Variants in ARHGAP32 observed in about 807,000 individuals in gnomAD.
ARHGAP32 encodes the protein rho GTPase-activating protein 32.
Under a neutral mutation model 186.5 loss-of-function variants are expected in ARHGAP32, and 51 were observed. The observed-to-expected ratio is 0.27, with a 90% CI of 0.22 to 0.35. The LOEUF is 0.35. Among genes scored for constraint, ARHGAP32 ranks in the 10% least tolerant of loss-of-function variants. ARHGAP32 has a pLI of 1.00. For missense variants in ARHGAP32, 2,186 were observed against 2,623.5 expected, an observed-to-expected ratio of 0.83 and a Z score of 3.64; for synonymous variants, 950 against 964.3, an observed-to-expected ratio of 0.99 and a Z score of 0.27.
chr11:129,271,902 G>T (rs1232762915), intron 1 of ARHGAP32, among the ~76,000 whole-genome samples: 1 of 151,796 alleles, frequency 6.6e-6, no homozygotes, highest in Non-Finnish European at 1.5e-5. Flanking sequence ...ATTAAAAAAA[G>T]AAATCAAGGA....
At chr11:128,971,801 T>A (rs1565347105) in intron 22 of ARHGAP32, 1 of 152,350 alleles carries the variant, frequency 6.6e-6, no homozygotes, top group African/African-American at 2.4e-5. Flanking sequence ...GGTGACCATA[T>A]AGAAGAAAAA....
At chr11:129,262,114 C>A (rs9971592) in intron 1 of ARHGAP32, among the ~76,000 whole-genome samples, 3 of 151,960 alleles carry the variant, frequency 2.0e-5, no homozygotes, top group African/African-American at 7.3e-5. Context: ...AAGAATAAAC[C>A]TGGCATGCCA....
chr11:129,264,781 T>C (rs1020931382), intron 1 of ARHGAP32, among the ~76,000 whole-genome samples: 3 of 152,058 alleles, frequency 2.0e-5, no homozygotes, highest in East Asian at 1.9e-4. Flanking sequence ...TGAAAAGAAA[T>C]TGGGAAAACT....
intron 1 of ARHGAP32, among the ~76,000 whole-genome samples, chr11:129,210,396 G>A (rs1418925712): frequency 6.6e-6 from 1 of 152,166 alleles, no homozygotes; most frequent in East Asian, 1.9e-4. Context: ...AGAACCTAGT[G>A]ATGTGATAAA....
At chr11:129,270,070 T>A (rs978708315) in intron 1 of ARHGAP32, among the ~76,000 whole-genome samples, 2 of 151,480 alleles carry the variant, frequency 1.3e-5, no homozygotes, top group African/African-American at 4.8e-5. Flanking sequence ...ACCCAGATGC[T>A]TGTAGCAACT....
chr11:129,004,748 C>T (rs955800825), intron 11 of ARHGAP32, among the ~76,000 whole-genome samples: 1 of 152,026 alleles, frequency 6.6e-6, no homozygotes, highest in Non-Finnish European at 1.5e-5. Context: ...TCTTTTCAGT[C>T]TCTGTGTATC....
intron 1 of ARHGAP32, among the ~76,000 whole-genome samples, chr11:129,229,040 T>A (rs1231275394): frequency 6.6e-6 from 1 of 152,204 alleles, no homozygotes; most frequent in Non-Finnish European, 1.5e-5. Context: ...GGAAAAAAGT[T>A]AAAATTTAAG....
intron 1 of ARHGAP32, among the ~76,000 whole-genome samples, chr11:129,257,589 C>T (rs1441189688): frequency 6.6e-6 from 1 of 151,232 alleles, no homozygotes; most frequent in African/African-American, 2.4e-5. Flanking sequence ...GACTGGGCAA[C>T]ATAACAAAAC....
chr11:129,124,449 CAA>C (rs1382393708), intron 3 of ARHGAP32, among the ~76,000 whole-genome samples: 2 of 152,026 alleles, frequency 1.3e-5, no homozygotes, highest in African/African-American at 2.4e-5. Context: ...TCCTCAAAGG[CAA>C]ACCTGAAATC....
chr11:129,201,128 A>G (rs1246126610), intron 1 of ARHGAP32, among the ~76,000 whole-genome samples: 4 of 152,206 alleles, frequency 2.6e-5, no homozygotes, highest in African/African-American at 9.6e-5. Flanking sequence ...ATCATAAGAC[A>G]ATTCAACATG....
chr11:129,038,479 G>T (rs957276333), intron 11 of ARHGAP32, among the ~76,000 whole-genome samples: 1 of 151,974 alleles, frequency 6.6e-6, no homozygotes, highest in African/African-American at 2.4e-5. Context: ...AAACTTGTAT[G>T]CATCAATGGA....
At chr11:129,240,769 A>T (rs1945005210) in intron 1 of ARHGAP32, among the ~76,000 whole-genome samples, 1 of 152,178 alleles carries the variant, frequency 6.6e-6, no homozygotes, top group South Asian at 2.1e-4. Flanking sequence ...TTTTGTCATT[A>T]TATCATAAGA....
At chr11:128,977,494 T>A (rs1945578161) in intron 19 of ARHGAP32, among the ~76,000 whole-genome samples, 1 of 152,142 alleles carries the variant, frequency 6.6e-6, no homozygotes, top group South Asian at 2.1e-4. Context: ...TCTCCAGCAT[T>A]CAGCCCTCAG....
intron 1 of ARHGAP32, among the ~76,000 whole-genome samples, chr11:129,181,963 G>A (rs1029936914): frequency 6.6e-6 from 1 of 152,004 alleles, no homozygotes; most frequent in Non-Finnish European, 1.5e-5. Flanking sequence ...TTATTCATAT[G>A]TATGAAAAAA....
Position 129,198,464 on chromosome 11 carries a change from T to C in ARHGAP32, c.-4-34037A>G, listed in dbSNP as rs117123145. Among the ~76,000 whole-genome samples the C allele has an allele frequency of 8.8e-3, 1,345 of 152,282 alleles. 13 individuals are homozygous for C. Among genetic ancestry groups the C allele is most frequent in the Non-Finnish European group, 0.01 (696 of 68,010 alleles). On this transcript the variant is annotated intron_variant, in intron 1 of 6. Transcript: ENST00000525234. ...GACCTGGTAGGAGACAACTGAATCA[T>C]GGGGGTGGTTTCTCTTAAACTGTTC...
intron 5 of ARHGAP32, among the ~76,000 whole-genome samples, chr11:129,098,482 G>A (rs1162379280): frequency 6.6e-6 from 1 of 150,844 alleles, no homozygotes; most frequent in African/African-American, 2.4e-5. Context: ...GCAGTGGCGC[G>A]ATCTCGGCTC....
intron 5 of ARHGAP32, among the ~76,000 whole-genome samples, chr11:129,096,654 G>T (rs961561066): frequency 6.6e-6 from 1 of 152,002 alleles, no homozygotes; most frequent in South Asian, 2.1e-4. Flanking sequence ...AGAGATCTAT[G>T]CTGTGGCTGC....
chr11:129,026,869 G>A (rs1591543886), intron 11 of ARHGAP32, among the ~76,000 whole-genome samples: 1 of 150,640 alleles, frequency 6.6e-6, no homozygotes, highest in East Asian at 2.0e-4. Flanking sequence ...GGAGGCTGAG[G>A]AGGGCAGATC....
chr11:129,008,848 T>C (rs1334760834), intron 11 of ARHGAP32, among the ~76,000 whole-genome samples: 5 of 152,212 alleles, frequency 3.3e-5, no homozygotes, highest in Admixed American at 6.5e-5. Context: ...TATAGTATAG[T>C]TGGTTAACTT....
Sources: gnomAD v4.1 joint callset for allele counts (sites outside exome capture counted in the v4.1 genomes callset) on GRCh38, gnomAD v4.1.1 for gene constraint, MANE v1.5 for transcripts, NCBI Gene and HGNC (gene_info 2026-07-23, HGNC 2026-07-21) for gene names.